The following MAP2K5 variants were observed in gnomAD, a reference collection of about 807,000 sequenced individuals.
MAP2K5 encodes dual specificity mitogen-activated protein kinase kinase 5.
MAP2K5 carries 49 observed loss-of-function variants against 83.1 expected under a neutral mutation model. The observed-to-expected ratio is 0.59, with a 90% CI of 0.47 to 0.75. The LOEUF is 0.75. MAP2K5 is among the 30% of genes least tolerant of loss of function. The pLI, the probability that MAP2K5 is intolerant of heterozygous loss-of-function variation, is 0.00. For missense variants in MAP2K5, 457 were observed against 557.5 expected (o/e 0.82, Z 1.82); for synonymous variants, 202 against 191.8 (o/e 1.05, Z -0.44).
chr15:67,616,199 C>T (rs1259726801), intron 8 of MAP2K5, among the ~76,000 whole-genome samples: 1 of 151,922 alleles, frequency 6.6e-6, no homozygotes. Flanking sequence ...AGCAAAGAAG[C>T]ATCATCTGTA....
At chr15:67,672,014 A>C (rs942729046) in intron 13 of MAP2K5, among the ~76,000 whole-genome samples, 2 of 151,984 alleles carry the variant, frequency 1.3e-5, no homozygotes, top group African/African-American at 4.8e-5. Flanking sequence ...ATGGCTGCAT[A>C]GTATTCCATG....
chr15:67,735,904 C>T (rs2141256964), intron 17 of MAP2K5, among the ~76,000 whole-genome samples: 1 of 152,300 alleles, frequency 6.6e-6, no homozygotes, highest in East Asian at 1.9e-4. Context: ...AGGAGGCCTT[C>T]TACTTCTCTC....
rs970119187 is a variant in MAP2K5, at chr15:67,576,755, A to G, written c.253-3999A>G. On this transcript the variant is annotated intron_variant, in intron 3 of 21. Transcript: ENST00000178640. ...TCATACTCTATATAATTATTTCTGC[A>G]TTTTTAAATGCTGCAACACTTCTAA... Among the ~76,000 whole-genome samples, 2 of 147,492 alleles carry G rather than the reference A, an allele frequency of 1.4e-5. 1 individual carries two copies. Among genetic ancestry groups the G allele is most frequent in the African/African-American group, 4.9e-5 (2 of 40,720 alleles).
intron 3 of MAP2K5, among the ~76,000 whole-genome samples, chr15:67,567,355 GTTT>G: frequency 7.4e-6 from 1 of 135,034 alleles, no homozygotes; most frequent in African/African-American, 2.7e-5. Context: ...CCTCCATAAA[GTTT>G]TTTTTTTTTT....
chr15:67,654,910 C>A (rs1324220971), intron 11 of MAP2K5, among the ~76,000 whole-genome samples: 1 of 151,738 alleles, frequency 6.6e-6, no homozygotes, highest in Non-Finnish European at 1.5e-5. Flanking sequence ...AAAAAAAATA[C>A]AAAAATTAGC....
intron 21 of MAP2K5, among the ~76,000 whole-genome samples, chr15:67,772,984 A>G (rs970427936): frequency 7.9e-5 from 12 of 152,204 alleles, no homozygotes; most frequent in Admixed American, 3.9e-4. Context: ...CATTTGCCTC[A>G]TCAAGGGTCA....
intron 8 of MAP2K5, among the ~76,000 whole-genome samples, chr15:67,604,995 CTAA>C (rs1457978059): frequency 1.3e-5 from 2 of 151,944 alleles, no homozygotes; most frequent in African/African-American, 4.8e-5. Context: ...AATGGTAGTA[CTAA>C]TAATAGAAAA....
intron 16 of MAP2K5, among the ~76,000 whole-genome samples, chr15:67,716,795 A>C (rs2088836534): frequency 6.6e-6 from 1 of 152,166 alleles, no homozygotes; most frequent in Non-Finnish European, 1.5e-5. Context: ...TTCTAACAAG[A>C]AGGGTGACAA....
chr15:67,718,708 G>A (rs2088885228), intron 16 of MAP2K5, among the ~76,000 whole-genome samples: 1 of 152,280 alleles, frequency 6.6e-6, no homozygotes, highest in Admixed American at 6.5e-5. Context: ...AGGTTGCAGT[G>A]AGCCGAGATC....
At position 67,587,169 on chromosome 15, in the gene MAP2K5, G is replaced by A. The variant is rs2085308516; in HGVS notation, c.431+256G>A. Among the ~76,000 whole-genome samples the A allele has an allele frequency of 6.6e-6, 1 of 152,166 alleles. No individual in the cohort carries two copies. Among genetic ancestry groups the A allele is most frequent in the Non-Finnish European group, 1.5e-5 (1 of 68,034 alleles). On this transcript the variant is annotated intron_variant, in intron 6 of 21. Coordinates refer to ENST00000178640, the MANE Select transcript of MAP2K5 (RefSeq NM_145160.3). This position sits in a 1 kb window ranked among gnomAD's most constrained non-coding sequence, Gnocchi z 4.8. ...GTTTCAGACGGAGGGAAGAGGGTAG[G>A]TGAAGGCCCTGAGGTGGAGAAGGAG...
intron 1 of MAP2K5, chr15:67,546,178 G>A (rs774765528): frequency 1.3e-5 from 2 of 152,214 alleles, no homozygotes; most frequent in Non-Finnish European, 2.9e-5. Context: ...CTGTTCTCCA[G>A]GTTTACTTCA....
At chr15:67,548,486 C>T (rs2084441614) in intron 1 of MAP2K5, among the ~76,000 whole-genome samples, 1 of 152,172 alleles carries the variant, frequency 6.6e-6, no homozygotes, top group South Asian at 2.1e-4. Flanking sequence ...ATGGCACTTG[C>T]CATGTGCTAG....
Position 67,806,592 on chromosome 15 carries a change from A to G in MAP2K5, c.1243-54A>G, listed in dbSNP as rs2090813002. 8.2e-6 allele frequency: 12 copies of G among 1,468,922 alleles called. No homozygotes were observed. The South Asian group carries it at 1.4e-4, about 17-fold the overall frequency. 91.0% of individuals were successfully genotyped at this position (1,468,922 alleles called of 1,614,324 possible). On this transcript the variant is annotated intron_variant, in intron 21 of 21. Transcript: ENST00000178640. Reference sequence around the variant, plus strand: ...CTGAGGGCAGGCCCTGGAAAGTACAATGAGCGCGGGAGTCCGAGGACTGCC... The same window carrying G: ...CTGAGGGCAGGCCCTGGAAAGTACAGTGAGCGCGGGAGTCCGAGGACTGCC...
intron 2 of MAP2K5, among the ~76,000 whole-genome samples, chr15:67,556,820 TG>T (rs1381386560): frequency 6.6e-6 from 1 of 152,218 alleles, no homozygotes; most frequent in Non-Finnish European, 1.5e-5. Context: ...CCCAAAGTGC[TG>T]GCATTACAGG....
intron 17 of MAP2K5, among the ~76,000 whole-genome samples, chr15:67,729,555 G>A (rs929016671): frequency 6.6e-6 from 1 of 152,046 alleles, no homozygotes; most frequent in Admixed American, 6.6e-5. Context: ...CGGATCACGA[G>A]GTCAGGAGAT....
intron 20 of MAP2K5, among the ~76,000 whole-genome samples, chr15:67,772,221 T>G (rs1271667758): frequency 6.6e-6 from 1 of 152,238 alleles, no homozygotes; most frequent in Non-Finnish European, 1.5e-5. Flanking sequence ...TTTTATATAC[T>G]TCTTGTCATT....
intron 8 of MAP2K5, among the ~76,000 whole-genome samples, chr15:67,609,395 GATTCTATAGACCT>G (rs1201766307): frequency 1.8e-4 from 27 of 150,066 alleles, no homozygotes; most frequent in Non-Finnish European, 3.7e-4. Context: ...TAGGTCTATA[GATTCTATAGACCT>G]ATTCTATAGA....
intron 2 of MAP2K5, among the ~76,000 whole-genome samples, chr15:67,550,747 G>T (rs1233175508): frequency 6.7e-6 from 1 of 149,782 alleles, no homozygotes; most frequent in East Asian, 2.0e-4. Context: ...TTAAGATGAG[G>T]GCTACTTTTT....
chr15:67,652,657 A>G lies in MAP2K5; in HGVS notation c.737-5896A>G, dbSNP rs141360856. ...TGAAGGGGACAAATATTCAAACTGT[A>G]TCAGCCATTTTAAGTATATAATTCA... On this transcript the variant is annotated intron_variant, in intron 11 of 21. Transcript: ENST00000178640. This position sits in a 1 kb window ranked among gnomAD's most constrained non-coding sequence, Gnocchi z 4.2. Among the ~76,000 whole-genome samples the G allele has an allele frequency of 4.0e-3, 615 of 152,316 alleles. 5 individuals carry two copies. The highest frequency in any genetic ancestry group is 0.014 in the African/African-American group (571 of 41,562).
Sources: gnomAD v4.1 joint callset for allele counts (sites outside exome capture counted in the v4.1 genomes callset) on GRCh38, gnomAD v4.1.1 for gene constraint, Gnocchi (gnomAD v3.1) non-coding constraint, MANE v1.5 for transcripts, NCBI Gene and HGNC (gene_info 2026-07-23, HGNC 2026-07-21) for gene names.